Variants in ZNF124 observed in about 807,000 individuals in gnomAD.
ZNF124 encodes zinc finger protein 124.
Under a neutral mutation model 26.6 loss-of-function variants are expected in ZNF124, and 25 were observed. That is an observed-to-expected ratio of 0.94 (90% CI 0.68 to 1.31). The LOEUF (loss-of-function observed/expected upper bound fraction) is 1.31, where lower values mean the gene tolerates loss of function less well. ZNF124 is among the 40% of genes most tolerant of loss of function. The probability of loss-of-function intolerance (pLI) is 0.00; values close to 1 mark genes in which losing one functional copy is unlikely to be tolerated. For synonymous variants in ZNF124, 129 were observed against 133.3 expected (o/e 0.97, Z 0.22); for missense variants, 444 against 422.2 (o/e 1.05, Z -0.45).
intron 3 of ZNF124, among the ~76,000 whole-genome samples, chr1:247,124,963 A>AT (rs1168195916): frequency 1.3e-5 from 2 of 151,732 alleles, no homozygotes; most frequent in East Asian, 1.9e-4. Context: ...ATGCCCGGCT[A>AT]TTTTTTTATT....
intron 3 of ZNF124, among the ~76,000 whole-genome samples, chr1:247,132,998 G>A (rs777125219): frequency 1.1e-4 from 17 of 152,100 alleles, no homozygotes; most frequent in Non-Finnish European, 2.2e-4. Context: ...TTTTGTCTGT[G>A]GCTCCTCCTG....
rs78977536 is a variant in ZNF124 at position 247,156,464 on chromosome 1, A to T, written c.*102T>A. 5,297 of 1,343,184 alleles carry T rather than the reference A, an allele frequency of 3.9e-3. 179 individuals are homozygous for T. The African/African-American group carries it at 0.071, about 18-fold the overall frequency. 83.2% of individuals were successfully genotyped at this position (1,343,184 alleles called of 1,614,324 possible). A position where few individuals can be genotyped will look rare whatever the true frequency, so the allele number is the denominator to read the frequency against. Reference sequence around the variant, plus strand: ...TTTGATTCGTTTCATGTATTTGAGGAAATCTGGGAAAATTAAGTACTTTCC... The same window carrying T: ...TTTGATTCGTTTCATGTATTTGAGGTAATCTGGGAAAATTAAGTACTTTCC... On this transcript the variant is annotated 3_prime_UTR_variant, in exon 4 of 4. Transcript: ENST00000543802.
intron 3 of ZNF124, among the ~76,000 whole-genome samples, chr1:247,134,812 C>T (rs1377980769): frequency 6.6e-6 from 1 of 152,202 alleles, no homozygotes; most frequent in African/African-American, 2.4e-5. Flanking sequence ...TTCTCAGTGC[C>T]ACATGGCACT....
chr1:247,125,430 C>CTTTT (rs71566695), intron 3 of ZNF124, among the ~76,000 whole-genome samples: 1,507 of 43,318 alleles, frequency 0.035, 215 homozygotes, highest in African/African-American at 0.046. Context: ...CTGTTTTTGT[C>CTTTT]TTTTTTTTTT....
chr1:247,158,928 C>T, intron 3 of ZNF124, 78 bp downstream of exon 3: 1 of 1,373,024 alleles, frequency 7.3e-7, no homozygotes, highest in Non-Finnish European at 1.0e-6. Context: ...CATGCCTGGC[C>T]TTGTTTGCTT....
chr1:247,148,969 C>CA (rs538343948), intron 3 of ZNF124, among the ~76,000 whole-genome samples: 1,970 of 147,018 alleles, frequency 0.013, 13 homozygotes, highest in Non-Finnish European at 0.022. Context: ...GACTCCGTCT[C>CA]AAAAAAAAGA....
intron 3 of ZNF124, among the ~76,000 whole-genome samples, chr1:247,158,660 G>A (rs1673292746): frequency 1.3e-5 from 2 of 150,374 alleles, no homozygotes; most frequent in South Asian, 4.2e-4. Context: ...ATGGTGTTTT[G>A]CTCTTGTTTC....
chr1:247,156,016 T>TTG lies in ZNF124; in HGVS notation c.*548_*549dup, dbSNP rs1215012065. Reference sequence around the variant, plus strand: ...TTCACATAGTGAATTTTCTTGAGAATTGTACTATAATTATTTTCCATAAGG... The same window carrying TTG: ...TTCACATAGTGAATTTTCTTGAGAATTGTGTACTATAATTATTTTCCATAAGG... On this transcript the variant is annotated 3_prime_UTR_variant, in exon 4 of 4. Transcript: ENST00000543802. The TTG allele has an allele frequency of 1.1e-5, 10 of 951,948 alleles. No individual in the cohort carries two copies. The highest frequency in any genetic ancestry group is 1.8e-5 in the African/African-American group (1 of 56,490). The allele number at this position is 951,948 out of a possible 1,614,324, so 59.0% of individuals were successfully genotyped here.
At chr1:247,165,537 G>A (rs1388550266) in intron 1 of ZNF124, among the ~76,000 whole-genome samples, 1 of 152,144 alleles carries the variant, frequency 6.6e-6, no homozygotes, top group African/African-American at 2.4e-5. Context: ...CAAAGCGACT[G>A]CCACAAAAGA....
chr1:247,130,426 G>T (rs1672318753), intron 3 of ZNF124, among the ~76,000 whole-genome samples: 1 of 152,158 alleles, frequency 6.6e-6, no homozygotes, highest in Non-Finnish European at 1.5e-5. Flanking sequence ...TCACAAGAAA[G>T]TATACTCACT....
chr1:247,125,414 C>G (rs1272776840), intron 3 of ZNF124, among the ~76,000 whole-genome samples: 1 of 136,254 alleles, frequency 7.3e-6, no homozygotes, highest in South Asian at 2.5e-4. Flanking sequence ...GTATCTTCAC[C>G]GACACCTGTT....
intron 3 of ZNF124, among the ~76,000 whole-genome samples, chr1:247,148,650 A>G (rs1215263092): frequency 6.6e-6 from 1 of 152,144 alleles, no homozygotes; most frequent in Non-Finnish European, 1.5e-5. Context: ...CAGCTGAGGA[A>G]TCTCAAGGTT....
chr1:247,125,430 C>CCTTT (rs1672188265), intron 3 of ZNF124, among the ~76,000 whole-genome samples: 1 of 43,306 alleles, frequency 2.3e-5, no homozygotes, highest in African/African-American at 8.3e-5. Flanking sequence ...CTGTTTTTGT[C>CCTTT]TTTTTTTTTT....
intron 1 of ZNF124, among the ~76,000 whole-genome samples, chr1:247,163,673 C>T (rs79805001): frequency 0.04 from 6,125 of 152,166 alleles, 155 homozygotes; most frequent in Middle Eastern, 0.15. Flanking sequence ...AAGCCAGGAC[C>T]AGATGGTTTC....
intron 3 of ZNF124, among the ~76,000 whole-genome samples, chr1:247,133,815 G>A (rs566117675): frequency 1.4e-4 from 22 of 151,916 alleles, no homozygotes; most frequent in South Asian, 2.1e-4. Flanking sequence ...CACCATGCCC[G>A]GCAAGTTTTT....
intron 3 of ZNF124, among the ~76,000 whole-genome samples, chr1:247,128,878 C>G (rs149946841): frequency 0.072 from 9,410 of 131,032 alleles, 550 homozygotes; most frequent in Middle Eastern, 0.11. Flanking sequence ...GTACTTCCCC[C>G]AGCAGGATGG....
In ZNF124 at chr1:247,157,356, C is replaced by T; in HGVS notation, c.266G>A (p.Cys89Tyr). ...SGNNPYGCEE[C>Y]GKKPCTCKQC... is the part of the protein sequence containing the mutation. ...TTTACATGTACATGGCTTCTTTCCG[C>T]ATTCCTCACACCCATATGGGTTGTT... The change falls in exon 4 of 4, where the codon TGC becomes TAC. Residue 89 changes from cysteine (C) to tyrosine (Y), a missense_variant. Physicochemically the swap from Cys to Tyr is radical, Grantham distance 194. Transcript: ENST00000543802. The T allele has an allele frequency of 1.3e-6, 2 of 1,555,276 alleles. No homozygotes were observed.
In ZNF124 at chr1:247,157,002, T is replaced by G; in HGVS notation, c.620A>C (p.Glu207Ala). 4 of 1,613,498 alleles carry G rather than the reference T, an allele frequency of 2.5e-6. No individual in the cohort carries two copies. The highest frequency in any genetic ancestry group is 8.5e-7 in the Non-Finnish European group (1 of 1,179,894). ...ERTHTGEKPY[E>A]CKHCGKAFRY... ...GAAGGCTTTCCCACAGTGCTTACATTCATAGGGTTTCTCTCCAGTATGAGT... is the reference window on the plus strand; with the variant it reads ...GAAGGCTTTCCCACAGTGCTTACATGCATAGGGTTTCTCTCCAGTATGAGT... Residue 207 changes from glutamate (E) to alanine (A), a missense_variant, in exon 4 of 4, where the codon GAA becomes GCA. Glu to Ala is a moderately radical substitution (Grantham distance 107). Transcript: ENST00000543802.
rs143077347 is a variant in ZNF124 at position 247,148,699 on chromosome 1, G to A, written c.218+10307C>T. The stretch of plus-strand genomic sequence containing the variant: ...GCTTTGGCAGGGCACGGTGGCTCAC[G>A]CCTGTAATCCCAGCACTTTTGGAGG... On this transcript the variant is annotated intron_variant, in intron 3 of 3. Transcript: ENST00000472531. Among the ~76,000 whole-genome samples, 212 of 152,156 alleles carry A rather than the reference G, an allele frequency of 1.4e-3. 4 individuals are homozygous for A. The East Asian group carries it at 0.038, about 28-fold the overall frequency.
Sources: allele counts gnomAD v4.1 joint callset (sites outside exome capture counted in the v4.1 genomes callset), GRCh38; gene constraint gnomAD v4.1.1; transcripts MANE v1.5; gene names NCBI Gene and HGNC (gene_info 2026-07-23, HGNC 2026-07-21).